Variants in MYH10 observed in about 807,000 individuals in gnomAD.
The protein encoded by MYH10 is myosin-10.
Under a neutral mutation model 257.8 loss-of-function variants are expected in MYH10, and 55 were observed. The observed-to-expected ratio is 0.21, with a 90% confidence interval of 0.17 to 0.27. The LOEUF is 0.27. MYH10 is among the 10% of genes least tolerant of loss of function. MYH10 has a pLI of 1.00. For missense variants in MYH10, 1,631 were observed against 2,500.6 expected (o/e 0.65, Z 7.42); for synonymous variants, 854 against 921.7 (o/e 0.93, Z 1.33).
chr17:8,533,228 A>C (rs375629401), intron 16 of MYH10, among the ~76,000 whole-genome samples: 64 of 152,312 alleles, frequency 4.2e-4, no homozygotes, highest in African/African-American at 1.5e-3. Context: ...GTCACTACCC[A>C]AGGTCACAAA....
Position 8,585,288 on chromosome 17 carries a change from G to GTATATATATATATATA in MYH10, c.530+3777_530+3792dup, listed in dbSNP as rs71159599. On this transcript the variant is annotated intron_variant, in intron 4 of 42. Transcript: ENST00000360416. ...TATATATATGTGCATGTGTGTGTGT[G>GTATATATATATATATA]TATATATATATATATATAGCTACAT... is the stretch of plus-strand genomic sequence containing the variant. Among the ~76,000 whole-genome samples the GTATATATATATATATA allele has an allele frequency of 1.1e-3, 112 of 99,320 alleles. 1 individual carries two copies. The highest frequency in any genetic ancestry group is 4.6e-3 in the South Asian group (12 of 2,614). The allele number at this position is 99,320 out of a possible 152,430, so 65.2% of individuals were successfully genotyped here. A position where few individuals can be genotyped will look rare whatever the true frequency, so the allele number is the denominator to read the frequency against.
intron 27 of MYH10, among the ~76,000 whole-genome samples, chr17:8,505,481 G>A (rs531537761): frequency 6.6e-6 from 1 of 152,168 alleles, no homozygotes; most frequent in African/African-American, 2.4e-5. Flanking sequence ...GATTTTTCTT[G>A]AAAGATTTTG....
intron 42 of MYH10, among the ~76,000 whole-genome samples, chr17:8,476,513 A>AC (rs775998992): frequency 3.4e-5 from 5 of 147,610 alleles, no homozygotes; most frequent in Non-Finnish European, 7.4e-5. Flanking sequence ...GGTGAGGAGG[A>AC]CGGTGCTGAG....
rs150261129 is a variant in MYH10 at position 8,481,382 on chromosome 17, C to A, written c.5204G>T (p.Arg1735Leu). 6.2e-7 allele frequency: 1 copy of A among 1,613,970 alleles called. No individual in the cohort carries two copies. The highest frequency in any genetic ancestry group is 8.5e-7 in the Non-Finnish European group (1 of 1,180,028). Residue 1735 changes from arginine (R) to leucine (L), a missense_variant, in exon 38 of 43, where the codon CGA becomes CTA. Around this residue, in one of 11 missense-constraint regions of MYH10, gnomAD observed 343 missense variants for 389.5 expected, o/e 0.88. Transcript: ENST00000360416. ...EELASSERAR[R>L]HAEQERDELA... is the part of the protein sequence containing the mutation. ...CTCATCTCTCTCCTGCTCGGCGTGT[C>A]GGCGGGCTCGCTCAGATGAGGCAAG...
In MYH10 at chr17:8,561,230, A is replaced by T. The variant is rs1202241270; in HGVS notation, c.757-7212T>A. 3 of 818,656 alleles carry T rather than the reference A, an allele frequency of 3.7e-6. No homozygotes were observed. The East Asian group carries it at 7.2e-5, about 20-fold the overall frequency. 50.7% of individuals were successfully genotyped at this position (818,656 alleles called of 1,614,324 possible). On this transcript the variant is annotated intron_variant, in intron 7 of 42. Coordinates refer to ENST00000360416, the MANE Select transcript of MYH10 (RefSeq NM_001256012.3). ...CTCCTCTCCGGTCCGTGCCTCCAAG[A>T]TGACAAAGAAAAGAAGGAACAAAGG...
chr17:8,487,383 A>C (rs1915027555), intron 36 of MYH10, 50 bp downstream of exon 36: 1 of 1,608,544 alleles, frequency 6.2e-7, no homozygotes, highest in East Asian at 2.2e-5. Flanking sequence ...TGTAAAAGCC[A>C]CATAGGTCAC....
At position 8,474,624 on chromosome 17, in the gene MYH10, T is replaced by C. The variant is rs189671023; in HGVS notation, c.*1180A>G. Reference sequence around the variant, plus strand: ...GTCAAAACTGAATACATTAAATTGTTATAGAGGCGAATGATATATTCAACA... The same window carrying C: ...GTCAAAACTGAATACATTAAATTGTCATAGAGGCGAATGATATATTCAACA... On this transcript the variant is annotated 3_prime_UTR_variant, in exon 43 of 43. Coordinates refer to ENST00000360416, the MANE Select transcript of MYH10 (RefSeq NM_001256012.3). The C allele has an allele frequency of 3.3e-5, 5 of 152,746 alleles. No homozygotes were observed. Among genetic ancestry groups the C allele is most frequent in the African/African-American group, 1.2e-4 (5 of 41,576 alleles). 9.5% of individuals were successfully genotyped at this position (152,746 alleles called of 1,614,324 possible).
At chr17:8,573,604 G>C (rs545426469) in intron 6 of MYH10, among the ~76,000 whole-genome samples, 1 of 152,300 alleles carries the variant, frequency 6.6e-6, no homozygotes, top group Admixed American at 6.5e-5. Flanking sequence ...GCTAGACTTT[G>C]AGGGTCTCTA....
At chr17:8,560,293 A>G (rs2082942948) in intron 7 of MYH10, among the ~76,000 whole-genome samples, 1 of 152,238 alleles carries the variant, frequency 6.6e-6, no homozygotes, top group South Asian at 2.1e-4. Context: ...TAATACACAG[A>G]TAACTTTGAA....
At chr17:8,609,899 CTG>C (rs1272647080) in intron 2 of MYH10, among the ~76,000 whole-genome samples, 3 of 150,934 alleles carry the variant, frequency 2.0e-5, no homozygotes, top group African/African-American at 4.9e-5. Flanking sequence ...CAAAAACACT[CTG>C]TAAAAAAAAA....
At position 8,535,636 on chromosome 17, in the gene MYH10, T is replaced by G; in HGVS notation, c.1779+122A>C. 3.2e-6 allele frequency: 4 copies of G among 1,235,090 alleles called. No individual in the cohort carries two copies. The highest frequency in any genetic ancestry group is 4.6e-6 in the Non-Finnish European group (4 of 878,854). The allele number at this position is 1,235,090 out of a possible 1,614,324, so 76.5% of individuals were successfully genotyped here. ...TGGGCTGTCTGAAAGACAATATGTTTGTAATATATACTGTATTTGTTTATA... is the reference window on the plus strand; with the variant it reads ...TGGGCTGTCTGAAAGACAATATGTTGGTAATATATACTGTATTTGTTTATA... On this transcript the variant is annotated intron_variant, in intron 15 of 42. Coordinates refer to ENST00000360416, the MANE Select transcript of MYH10 (RefSeq NM_001256012.3). This position sits in a 1 kb window ranked among gnomAD's most constrained non-coding sequence, Gnocchi z 4.3.
At chr17:8,530,172 C>G (rs2081969180) in intron 17 of MYH10, among the ~76,000 whole-genome samples, 1 of 152,034 alleles carries the variant, frequency 6.6e-6, no homozygotes, top group Admixed American at 6.6e-5. Flanking sequence ...CAAAATGTGT[C>G]TTAAATACAA....
chr17:8,554,555 C>T (rs139083383), intron 7 of MYH10, among the ~76,000 whole-genome samples: 1 of 152,130 alleles, frequency 6.6e-6, no homozygotes, highest in Non-Finnish European at 1.5e-5. Flanking sequence ...GATTTCTTTA[C>T]TATACATAAC....
At chr17:8,539,622 C>T (rs1236310934) in intron 14 of MYH10, among the ~76,000 whole-genome samples, 1 of 152,062 alleles carries the variant, frequency 6.6e-6, no homozygotes, top group African/African-American at 2.4e-5. Context: ...TGGGGTCTCA[C>T]TCTGTCACTC....
chr17:8,630,656 T>G lies in MYH10; in HGVS notation c.-34A>C, dbSNP rs1305209663. ...ACCCGGGTAGCCGCACCTCTCACCTTCAGCCGAAGATGGTGGCGCGGGCGC... is the reference window on the plus strand; with the variant it reads ...ACCCGGGTAGCCGCACCTCTCACCTGCAGCCGAAGATGGTGGCGCGGGCGC... On this transcript the variant is annotated splice_region_variant and 5_prime_UTR_variant, in exon 1 of 43. Coordinates refer to ENST00000360416, the MANE Select transcript of MYH10 (RefSeq NM_001256012.3). 6.5e-6 allele frequency: 1 copy of G among 152,742 alleles called. No homozygotes were observed. The highest frequency in any genetic ancestry group is 2.4e-5 in the African/African-American group (1 of 41,390). The allele number at this position is 152,742 out of a possible 1,614,324, so 9.5% of individuals were successfully genotyped here. A position where few individuals can be genotyped will look rare whatever the true frequency, so the allele number is the denominator to read the frequency against.
chr17:8,601,128 ACTTTC>A (rs1419131691), intron 3 of MYH10, among the ~76,000 whole-genome samples: 1 of 152,246 alleles, frequency 6.6e-6, no homozygotes, highest in African/African-American at 2.4e-5. Flanking sequence ...AGCAAGCAAA[ACTTTC>A]CTTTCCATCT....
chr17:8,594,922 C>T (rs1331109511), intron 3 of MYH10, among the ~76,000 whole-genome samples: 1 of 152,108 alleles, frequency 6.6e-6, no homozygotes, highest in Non-Finnish European at 1.5e-5. Context: ...CATTATTTTC[C>T]CCAATCCACA....
In MYH10 at chr17:8,506,179, T is replaced by C. The variant is rs1423922641; in HGVS notation, c.3386+139A>G. The C allele has an allele frequency of 2.0e-5, 16 of 809,284 alleles. No individual in the cohort carries two copies. Among genetic ancestry groups the C allele is most frequent in the Non-Finnish European group, 2.9e-5 (16 of 544,198 alleles). The allele number at this position is 809,284 out of a possible 1,614,324, so 50.1% of individuals were successfully genotyped here. A position where few individuals can be genotyped will look rare whatever the true frequency, so the allele number is the denominator to read the frequency against. ...CACAAATTCTGTACGCCTGGGCTTT[T>C]CACTTTCTCAGGTCACACCAAACAG... On this transcript the variant is annotated intron_variant, in intron 27 of 42. Coordinates refer to ENST00000360416, the MANE Select transcript of MYH10 (RefSeq NM_001256012.3). The surrounding 1 kb of genome is among the most constrained non-coding windows in gnomAD (Gnocchi z 5.0).
Position 8,476,991 on chromosome 17 carries a change from C to T in MYH10, c.5764G>A (p.Glu1922Lys). The change falls in exon 42 of 43, where the codon GAA becomes AAA. Residue 1922 changes from glutamate (E) to lysine (K), a missense_variant. Physicochemically the swap from Glu to Lys is moderately conservative, Grantham distance 56. This residue lies in a region of MYH10 where 343 missense variants were observed against 389.5 expected (regional missense o/e 0.88). Coordinates refer to ENST00000360416, the MANE Select transcript of MYH10 (RefSeq NM_001256012.3). ...QLKRQLEEAE[E>K]EATRANASRR... ...GATGCGTTGGCACGCGTCGCTTCTTCTTCTGCTTCCTCCAGCTGGCGTTTA... is the reference window on the plus strand; with the variant it reads ...GATGCGTTGGCACGCGTCGCTTCTTTTTCTGCTTCCTCCAGCTGGCGTTTA... 1 of 1,614,226 alleles carries T rather than the reference C, an allele frequency of 6.2e-7. No homozygotes were observed. Among genetic ancestry groups the T allele is most frequent in the South Asian group, 1.1e-5 (1 of 91,088 alleles).
Sources: allele counts gnomAD v4.1 joint callset (sites outside exome capture counted in the v4.1 genomes callset), GRCh38; gene constraint gnomAD v4.1.1; regional missense constraint gnomAD v4.1.1; non-coding constraint Gnocchi (gnomAD v3.1); transcripts MANE v1.5; gene names NCBI Gene and HGNC (gene_info 2026-07-23, HGNC 2026-07-21).